Variants in SLC71A2 observed in about 807,000 individuals in gnomAD.
SLC71A2 encodes the protein solute carrier family 71 member 2.
At chr9:94,378,330 G>A in the SLC71A2 span, among the ~76,000 whole-genome samples, 1 of 152,152 alleles carries the variant, frequency 6.6e-6, no homozygotes, top group African/African-American at 2.4e-5. Flanking sequence ...ATCACGTGTT[G>A]GGGAGGGAGC....
the SLC71A2 span, among the ~76,000 whole-genome samples, chr9:94,410,504 G>C: frequency 1.3e-4 from 19 of 151,906 alleles, no homozygotes; most frequent in African/African-American, 4.6e-4. Context: ...GGGACTACAG[G>C]TGCACACCAC....
the SLC71A2 span, among the ~76,000 whole-genome samples, chr9:94,428,622 A>T: frequency 8.7e-6 from 1 of 115,184 alleles, no homozygotes; most frequent in Non-Finnish European, 1.7e-5. Context: ...TACTATGGAC[A>T]TTCCTTTCTA....
the SLC71A2 span, chr9:94,445,287 T>C: frequency 3.3e-6 from 3 of 915,126 alleles, no homozygotes; most frequent in African/African-American, 3.4e-5. Flanking sequence ...TGTTGACTTA[T>C]TTCTTTAGTA....
the SLC71A2 span, among the ~76,000 whole-genome samples, chr9:94,394,690 C>T: frequency 1.3e-5 from 1 of 75,052 alleles, no homozygotes; most frequent in Non-Finnish European, 3.2e-5. Context: ...TCCTTTGCCT[C>T]CCAAAGTGCT....
chr9:94,374,477 G>T, the SLC71A2 span: 1 of 152,490 alleles, frequency 6.6e-6, no homozygotes, highest in Non-Finnish European at 1.5e-5. Flanking sequence ...GGGAGCTGAG[G>T]TGCGGGGCGG....
chr9:94,406,711 T>A, the SLC71A2 span, among the ~76,000 whole-genome samples: 1 of 152,218 alleles, frequency 6.6e-6, no homozygotes, highest in Non-Finnish European at 1.5e-5. Flanking sequence ...ACATTGTTAA[T>A]CTTTAGTGTA....
the SLC71A2 span, among the ~76,000 whole-genome samples, chr9:94,439,825 A>G: frequency 6.6e-6 from 1 of 152,042 alleles, no homozygotes; most frequent in Non-Finnish European, 1.5e-5. Context: ...TTGTTCTGCT[A>G]CAACATGAGC....
the SLC71A2 span, among the ~76,000 whole-genome samples, chr9:94,392,566 T>TCTCGGCTTACTGCAAC: frequency 6.6e-6 from 1 of 151,756 alleles, no homozygotes; most frequent in East Asian, 1.9e-4. Context: ...AGTGGTGTGA[T>TCTCGGCTTACTGCAAC]CTCGGCTTAC....
the SLC71A2 span, among the ~76,000 whole-genome samples, chr9:94,440,168 T>A: frequency 2.0e-5 from 3 of 152,120 alleles, no homozygotes; most frequent in Admixed American, 2.0e-4. Context: ...TTATTTTTTT[T>A]TTTGAGACGG....
At chr9:94,413,893 C>G in the SLC71A2 span, among the ~76,000 whole-genome samples, 1 of 152,156 alleles carries the variant, frequency 6.6e-6, no homozygotes. Flanking sequence ...TGTCTGTTAA[C>G]TGGTTTGTCT....
the SLC71A2 span, among the ~76,000 whole-genome samples, chr9:94,408,831 G>T: frequency 0.24 from 22,702 of 95,570 alleles, 3,010 homozygotes; most frequent in Middle Eastern, 0.32. Flanking sequence ...TTTTTTGTTT[G>T]TTTGTTTTTT....
the SLC71A2 span, among the ~76,000 whole-genome samples, chr9:94,422,152 T>G: frequency 6.6e-6 from 1 of 152,150 alleles, no homozygotes; most frequent in African/African-American, 2.4e-5. Flanking sequence ...CCAAAGTGCT[T>G]GAGCTACTGT....
At chr9:94,407,208 G>A in the SLC71A2 span, among the ~76,000 whole-genome samples, 1 of 151,252 alleles carries the variant, frequency 6.6e-6, no homozygotes, top group East Asian at 1.9e-4. Flanking sequence ...TTAATGTGTT[G>A]TATTACATTG....
the SLC71A2 span, among the ~76,000 whole-genome samples, chr9:94,396,840 G>A: frequency 3.3e-5 from 5 of 152,050 alleles, no homozygotes; most frequent in East Asian, 1.9e-4. Context: ...GCAGGATCTC[G>A]GCTTACCACA....
chr9:94,436,657 T>G, the SLC71A2 span, among the ~76,000 whole-genome samples: 1 of 152,230 alleles, frequency 6.6e-6, no homozygotes, highest in South Asian at 2.1e-4. Flanking sequence ...ACTGCAGGTA[T>G]TTCCCCAGAC....
chr9:94,437,310 A>G, the SLC71A2 span, among the ~76,000 whole-genome samples: 8 of 140,458 alleles, frequency 5.7e-5, no homozygotes, highest in African/African-American at 2.2e-4. Flanking sequence ...CACCTATTTC[A>G]TTATTCATCA....
At chr9:94,453,654 T>TCAGC in the SLC71A2 span, among the ~76,000 whole-genome samples, 31 of 152,322 alleles carry the variant, frequency 2.0e-4, no homozygotes, top group African/African-American at 7.2e-4. Context: ...ACTGAGGCTG[T>TCAGC]CCCTCTCAGT....
the SLC71A2 span, among the ~76,000 whole-genome samples, chr9:94,402,696 T>C: frequency 6.6e-6 from 1 of 152,248 alleles, no homozygotes. Context: ...AGGTTTTTAA[T>C]TTTAGTGAAG....
the SLC71A2 span, among the ~76,000 whole-genome samples, chr9:94,445,986 G>A: frequency 2.0e-5 from 3 of 152,188 alleles, no homozygotes; most frequent in Non-Finnish European, 2.9e-5. Flanking sequence ...TAGTGGGGTT[G>A]GGAGCCAGCC....
Sources: allele counts gnomAD v4.1 joint callset (sites outside exome capture counted in the v4.1 genomes callset), GRCh38; gene constraint gnomAD v4.1.1; transcripts MANE v1.5; gene names NCBI Gene and HGNC (gene_info 2026-07-23, HGNC 2026-07-21).